The following MORN5 variants were observed in gnomAD, a reference collection of about 807,000 sequenced individuals.
MORN5 encodes the protein MORN repeat-containing protein 5.
In MORN5, 21 loss-of-function variants were observed where a neutral mutation model predicts 22.1. That is an observed-to-expected ratio of 0.95 (90% CI 0.67 to 1.37). The LOEUF is 1.37. Ranked by LOEUF, MORN5 falls within the 40% of genes most tolerant of loss-of-function variation. MORN5 has a pLI of 0.00. For missense variants in MORN5, 211 were observed against 215.1 expected (o/e 0.98, Z 0.12); for synonymous variants, 73 against 74.0 (o/e 0.99, Z 0.07).
chr9:122,163,179 A>T (rs1039170686), intron 1 of MORN5, among the ~76,000 whole-genome samples: 6 of 152,234 alleles, frequency 3.9e-5, no homozygotes, highest in African/African-American at 1.4e-4. Context: ...ACCTACAGAC[A>T]CAGGGGAGGA....
chr9:122,166,524 G>A (rs1241000877), intron 1 of MORN5, among the ~76,000 whole-genome samples: 1 of 152,112 alleles, frequency 6.6e-6, no homozygotes. Flanking sequence ...AGGGAGCAGT[G>A]TGAACTCCAA....
chr9:122,195,685 G>A (rs950052402), intron 4 of MORN5, among the ~76,000 whole-genome samples: 5 of 152,180 alleles, frequency 3.3e-5, no homozygotes, highest in East Asian at 1.9e-4. Context: ...TCACCTGGCT[G>A]AGGTAGTGTT....
chr9:122,160,875 C>T (rs767932624), intron 1 of MORN5, among the ~76,000 whole-genome samples: 7 of 152,196 alleles, frequency 4.6e-5, no homozygotes, highest in East Asian at 3.8e-4. Flanking sequence ...CATGAGCCAC[C>T]GTGCCCAGCA....
chr9:122,197,257 T>TC lies in MORN5; in HGVS notation c.440-2623dup, dbSNP rs142307452. Among the ~76,000 whole-genome samples the TC allele has an allele frequency of 1.4e-3, 218 of 152,038 alleles. No homozygotes were observed. Among genetic ancestry groups the TC allele is most frequent in the African/African-American group, 5.0e-3 (208 of 41,400 alleles). On this transcript the variant is annotated intron_variant, in intron 4 of 4. Coordinates refer to ENST00000373764, the MANE Select transcript of MORN5 (RefSeq NM_198469.4). The surrounding 1 kb of genome is among the most constrained non-coding windows in gnomAD (Gnocchi z 5.7). ...GATTAAAGAGTTTGTGGGGTGTTTT[T>TC]CCCCCATCTTTTTTCTCCCTCCTTT...
intron 4 of MORN5, among the ~76,000 whole-genome samples, chr9:122,184,456 A>G (rs1227654833): frequency 6.6e-6 from 1 of 152,260 alleles, no homozygotes; most frequent in Non-Finnish European, 1.5e-5. Context: ...AAAACTGGAA[A>G]CATCCTCAGT....
At chr9:122,190,750 T>C (rs1829744342) in intron 4 of MORN5, among the ~76,000 whole-genome samples, 1 of 152,282 alleles carries the variant, frequency 6.6e-6, no homozygotes, top group South Asian at 2.1e-4. Context: ...ATATTGACAA[T>C]GCTGTGGCCT....
chr9:122,160,342 T>C (rs1829173030), intron 1 of MORN5, among the ~76,000 whole-genome samples: 1 of 152,162 alleles, frequency 6.6e-6, no homozygotes, highest in African/African-American at 2.4e-5. Context: ...AAATAAGTGA[T>C]AAAATAATTA....
rs190072954 is a variant in MORN5, at chr9:122,189,857, C to T, written c.440-10028C>T. 2.9e-3 allele frequency among the ~76,000 whole-genome samples: 439 copies of T among 152,250 alleles called. 3 individuals carry two copies. Among genetic ancestry groups the T allele is most frequent in the African/African-American group, 0.01 (416 of 41,558 alleles). ...TCCTGACCTCGTGATCTGCCTGCCT[C>T]GGCCTCCCAAAGTGCTAGGATTACA... On this transcript the variant is annotated intron_variant, in intron 4 of 4. Coordinates refer to ENST00000373764, the MANE Select transcript of MORN5 (RefSeq NM_198469.4).
Position 122,172,634 on chromosome 9 carries a change from A to G in MORN5, c.308-1862A>G, listed in dbSNP as rs527391899. On this transcript the variant is annotated intron_variant, in intron 3 of 4. Coordinates refer to ENST00000373764, the MANE Select transcript of MORN5 (RefSeq NM_198469.4). ...AGGTAAGGTCTCCCTGTGGCATATC[A>G]CAGCAGCCATGACCTCCTCCCAGGG... is the stretch of plus-strand genomic sequence containing the variant. Among the ~76,000 whole-genome samples, 3 of 152,090 alleles carry G rather than the reference A, an allele frequency of 2.0e-5. No individual in the cohort carries two copies. In the East Asian group the frequency reaches 5.8e-4, roughly 30 times the overall value.
At chr9:122,162,751 T>C (rs999627816) in intron 1 of MORN5, among the ~76,000 whole-genome samples, 1 of 152,218 alleles carries the variant, frequency 6.6e-6, no homozygotes, top group Non-Finnish European at 1.5e-5. Context: ...ATTCCATTTA[T>C]GTAAAATTCT....
chr9:122,187,048 G>T (rs1829652175), intron 4 of MORN5, among the ~76,000 whole-genome samples: 1 of 152,200 alleles, frequency 6.6e-6, no homozygotes, highest in South Asian at 2.1e-4. Flanking sequence ...AAAAAATGGG[G>T]ACAGAAATAG....
intron 4 of MORN5, among the ~76,000 whole-genome samples, chr9:122,190,269 A>C (rs1829732954): frequency 1.3e-5 from 2 of 152,232 alleles, no homozygotes; most frequent in Non-Finnish European, 2.9e-5. Context: ...AATTATTTCC[A>C]CATATTAAAA....
chr9:122,175,641 T>G, intron 4 of MORN5: 4 of 984,750 alleles, frequency 4.1e-6, no homozygotes, highest in Non-Finnish European at 4.8e-6. Context: ...TTGCAGATAG[T>G]CTTAAGGGGT....
chr9:122,199,887 G>C lies in MORN5; in HGVS notation c.442G>C (p.Asp148His), dbSNP rs200947592. 389 of 1,613,968 alleles carry C rather than the reference G, an allele frequency of 2.4e-4. No individual in the cohort carries two copies. Among genetic ancestry groups the C allele is most frequent in the Middle Eastern group, 3.3e-4 (2 of 6,056 alleles). The change falls in exon 5 of 5, where the codon GAT (aspartate) becomes CAT (histidine). Residue 148 changes from aspartate to histidine, a missense_variant and splice_region_variant. Transcript: ENST00000373764. ...CAGCTCTTCCTCTTTCCTTGCAGAT[G>C]ATGACGAGCATGAGTGGATCACCCG... ...YRNRFLRNADDDEHEWITRTC... is the reference protein window; with the variant it reads ...YRNRFLRNADHDEHEWITRTC...
At chr9:122,196,928 C>T (rs1217070502) in intron 4 of MORN5, among the ~76,000 whole-genome samples, 1 of 152,186 alleles carries the variant, frequency 6.6e-6, no homozygotes, top group Non-Finnish European at 1.5e-5. Flanking sequence ...TGCTAAATAT[C>T]CCCTCAAGTG....
chr9:122,165,597 CAAAG>C (rs1829264829), intron 1 of MORN5, among the ~76,000 whole-genome samples: 1 of 151,840 alleles, frequency 6.6e-6, no homozygotes, highest in South Asian at 2.1e-4. Context: ...AAAAACAAAA[CAAAG>C]AAGCTAGTCA....
chr9:122,186,684 G>A (rs780178359), intron 4 of MORN5, among the ~76,000 whole-genome samples: 4 of 151,988 alleles, frequency 2.6e-5, no homozygotes, highest in Non-Finnish European at 5.9e-5. Flanking sequence ...TTCCTCCCCT[G>A]CCGCCCCCCG....
rs550570347 is a variant in MORN5, at chr9:122,182,270, C to T, written c.439+7643C>T. On this transcript the variant is annotated intron_variant, in intron 4 of 4. Transcript: ENST00000373764. The stretch of plus-strand genomic sequence containing the variant: ...TATTGCCCCAGCACAGAATGCCTTT[C>T]CCTCTTTTCTCCGCCCATCTCAGTC... 3.0e-3 allele frequency among the ~76,000 whole-genome samples: 456 copies of T among 152,328 alleles called. 3 individuals are homozygous for T. The highest frequency in any genetic ancestry group is 0.01 in the African/African-American group (427 of 41,586).
At chr9:122,186,098 C>T (rs1310123948) in intron 4 of MORN5, among the ~76,000 whole-genome samples, 1 of 152,226 alleles carries the variant, frequency 6.6e-6, no homozygotes, top group East Asian at 1.9e-4. Context: ...AATGCCCGCA[C>T]CAATCACACA....
Sources: gnomAD v4.1 joint callset for allele counts (sites outside exome capture counted in the v4.1 genomes callset) on GRCh38, gnomAD v4.1.1 for gene constraint, Gnocchi (gnomAD v3.1) non-coding constraint, MANE v1.5 for transcripts, NCBI Gene and HGNC (gene_info 2026-07-23, HGNC 2026-07-21) for gene names.